Variants in PRKAR1B observed in about 807,000 individuals in gnomAD.
The protein encoded by PRKAR1B is protein kinase cAMP-dependent type I regulatory subunit beta, also known as cAMP-dependent protein kinase type I-beta regulatory subunit.
In PRKAR1B, 22 loss-of-function variants were observed where a neutral mutation model predicts 46.5. That is an observed-to-expected ratio of 0.47 (90% CI 0.34 to 0.68). The LOEUF is 0.68. Among genes scored for constraint, PRKAR1B ranks in the 30% least tolerant of loss-of-function variants. PRKAR1B has a pLI of 0.01. For missense variants in PRKAR1B, 445 were observed against 535.6 expected (o/e 0.83, Z 1.67); for synonymous variants, 259 against 217.7 (o/e 1.19, Z -1.67).
chr7:671,085 G>A (rs774600517), intron 4 of PRKAR1B, among the ~76,000 whole-genome samples: 3 of 152,182 alleles, frequency 2.0e-5, no homozygotes, highest in Admixed American at 1.3e-4. Flanking sequence ...GAGCTGAAGC[G>A]ACCGTCCACC....
intron 1 of PRKAR1B, among the ~76,000 whole-genome samples, chr7:716,036 T>A (rs569310107): frequency 0.069 from 10,449 of 150,700 alleles, 512 homozygotes; most frequent in South Asian, 0.18. Context: ...TTTATATATT[T>A]TTTTTTTTAA....
At chr7:584,337 GTCA>G (rs1232000309) in intron 8 of PRKAR1B, among the ~76,000 whole-genome samples, 168 bp downstream of exon 8, 2 of 152,244 alleles carry the variant, frequency 1.3e-5, no homozygotes, top group African/African-American at 4.8e-5. Flanking sequence ...GACAGTGTGT[GTCA>G]TCTGTGCACG....
intron 2 of PRKAR1B, among the ~76,000 whole-genome samples, chr7:681,176 C>T (rs1778662055): frequency 6.6e-6 from 1 of 152,078 alleles, no homozygotes; most frequent in Non-Finnish European, 1.5e-5. Flanking sequence ...TCTGCTTCCC[C>T]CCTGCTGCCT....
rs1233649221 is a variant in PRKAR1B, at chr7:673,065, A to AAAAC, written c.440+4163_440+4164insGTTT. Among the ~76,000 whole-genome samples the AAAAC allele has an allele frequency of 4.2e-5, 6 of 142,456 alleles. No homozygotes were observed. The East Asian group carries it at 1.2e-3, about 29-fold the overall frequency. 93.5% of individuals were successfully genotyped at this position (142,456 alleles called of 152,430 possible). On this transcript the variant is annotated intron_variant, in intron 4 of 10. Coordinates refer to ENST00000537384, the MANE Select transcript of PRKAR1B (RefSeq NM_001164760.2). ...GTCTTTAAAAAAAAAAAAAAAAAAA[A>AAAAC]AAAAAAAAAAAAACACACACACACA...
intron 1 of PRKAR1B, chr7:713,314 G>C (rs1451599210): frequency 6.5e-6 from 1 of 154,518 alleles, no homozygotes; most frequent in Non-Finnish European, 1.4e-5. Flanking sequence ...GTCTACCCCC[G>C]GGGTCCTCCA....
At chr7:592,222 A>G (rs1373834111) in intron 7 of PRKAR1B, among the ~76,000 whole-genome samples, 1 of 152,204 alleles carries the variant, frequency 6.6e-6, no homozygotes, top group Admixed American at 6.5e-5. Context: ...GTGAGGGTGC[A>G]CACGGGCCCT....
Position 726,970 on chromosome 7 carries a change from T to C in PRKAR1B, c.-23+240A>G. 7.6e-7 allele frequency: 1 copy of C among 1,308,870 alleles called. No individual in the cohort carries two copies. The highest frequency in any genetic ancestry group is 9.8e-7 in the Non-Finnish European group (1 of 1,024,388). The allele number at this position is 1,308,870 out of a possible 1,614,324, so 81.1% of individuals were successfully genotyped here. A position where few individuals can be genotyped will look rare whatever the true frequency, so the allele number is the denominator to read the frequency against. Reference sequence around the variant, plus strand: ...CCTACTGCTGCCGCGCTTGCTGCGCTGCCTGAGCGACCCCGCCGAGGGCTG... The same window carrying C: ...CCTACTGCTGCCGCGCTTGCTGCGCCGCCTGAGCGACCCCGCCGAGGGCTG... On this transcript the variant is annotated intron_variant, in intron 1 of 10. Transcript: ENST00000537384.
At chr7:652,794 C>T (rs1052498425) in intron 4 of PRKAR1B, among the ~76,000 whole-genome samples, 8 of 152,178 alleles carry the variant, frequency 5.3e-5, no homozygotes, top group Non-Finnish European at 7.3e-5. Context: ...AACTGGTACT[C>T]GGGTATTTTG....
intron 2 of PRKAR1B, among the ~76,000 whole-genome samples, chr7:698,559 T>C (rs554506672): frequency 4.6e-5 from 7 of 152,182 alleles, no homozygotes; most frequent in Admixed American, 3.9e-4. Flanking sequence ...ACTAAGTACA[T>C]GTGTGTGCAC....
intron 4 of PRKAR1B, among the ~76,000 whole-genome samples, chr7:631,211 A>G (rs1286197323): frequency 6.6e-6 from 1 of 152,194 alleles, no homozygotes; most frequent in Non-Finnish European, 1.5e-5. Context: ...TTGAACTCCC[A>G]AAGTGTTGGG....
chr7:705,786 G>C (rs1460718899), intron 2 of PRKAR1B, among the ~76,000 whole-genome samples: 1 of 152,146 alleles, frequency 6.6e-6, no homozygotes, highest in South Asian at 2.1e-4. Context: ...CAACACACTG[G>C]GAGGCCGAGG....
chr7:559,236 A>G (rs780809540), intron 9 of PRKAR1B, among the ~76,000 whole-genome samples: 1 of 152,194 alleles, frequency 6.6e-6, no homozygotes, highest in Non-Finnish European at 1.5e-5. Context: ...GAATCAGTTC[A>G]GGGGGCGGCC....
chr7:611,211 T>C (rs1014048556), intron 4 of PRKAR1B, among the ~76,000 whole-genome samples: 14 of 152,252 alleles, frequency 9.2e-5, no homozygotes, highest in African/African-American at 3.4e-4. Context: ...GGCTTCCCTA[T>C]AGGGGCAGAG....
At chr7:634,390 A>T (rs930060386) in intron 4 of PRKAR1B, among the ~76,000 whole-genome samples, 1 of 151,508 alleles carries the variant, frequency 6.6e-6, no homozygotes, top group African/African-American at 2.4e-5. Context: ...AGGCGGGAGG[A>T]TCACTTGAGC....
At chr7:725,036 A>C (rs1781203371) in intron 1 of PRKAR1B, among the ~76,000 whole-genome samples, 1 of 152,094 alleles carries the variant, frequency 6.6e-6, no homozygotes, top group African/African-American at 2.4e-5. Context: ...AACACAGTGA[A>C]ACCCCGTCTC....
chr7:596,018 A>G, intron 7 of PRKAR1B, 128 bp downstream of exon 7: 2 of 1,218,300 alleles, frequency 1.6e-6, no homozygotes, highest in Non-Finnish European at 2.3e-6. Flanking sequence ...CTCACAGGCC[A>G]GATCTGTCAG....
At chr7:694,458 C>G (rs1347783268) in intron 2 of PRKAR1B, among the ~76,000 whole-genome samples, 5 of 151,908 alleles carry the variant, frequency 3.3e-5, no homozygotes, top group African/African-American at 1.2e-4. Flanking sequence ...AAGAGACTAG[C>G]CTGGAGTCAG....
chr7:638,235 C>G (rs1443260799), intron 4 of PRKAR1B, among the ~76,000 whole-genome samples: 5 of 152,218 alleles, frequency 3.3e-5, no homozygotes, highest in Non-Finnish European at 5.9e-5. Flanking sequence ...TGAATTTCAG[C>G]CCCATGCCCG....
At chr7:679,917 G>C (rs925368963) in intron 3 of PRKAR1B, among the ~76,000 whole-genome samples, 3 of 152,134 alleles carry the variant, frequency 2.0e-5, no homozygotes, top group Non-Finnish European at 4.4e-5. Flanking sequence ...CCAGCACTTT[G>C]GGAGGCCAAG....
Sources: allele counts gnomAD v4.1 joint callset (sites outside exome capture counted in the v4.1 genomes callset), GRCh38; gene constraint gnomAD v4.1.1; transcripts MANE v1.5; gene names NCBI Gene and HGNC (gene_info 2026-07-23, HGNC 2026-07-21).